NAV3: variants seen among roughly 807,000 people sequenced by gnomAD.
NAV3 encodes pore membrane and/or filament interacting like protein 1.
In NAV3, 87 loss-of-function variants were observed where a neutral mutation model predicts 244.7. That is an observed-to-expected ratio of 0.36 (90% CI 0.30 to 0.42). The LOEUF is 0.42. NAV3 is among the 20% of genes least tolerant of loss of function. NAV3 has a pLI of 1.00. For synonymous variants in NAV3, 1,126 were observed against 1,042.2 expected (o/e 1.08, Z -1.55); for missense variants, 2,663 against 2,893.3 (o/e 0.92, Z 1.83).
intron 1 of NAV3, among the ~76,000 whole-genome samples, chr12:77,846,512 T>G (rs1876661549): frequency 6.6e-6 from 1 of 152,172 alleles, no homozygotes; most frequent in African/African-American, 2.4e-5. Flanking sequence ...TTGGAGATTC[T>G]TCAGTCCCAG....
chr12:78,171,963 A>G (rs1958019143), intron 24 of NAV3, among the ~76,000 whole-genome samples: 2 of 151,760 alleles, frequency 1.3e-5, no homozygotes, highest in South Asian at 4.1e-4. Context: ...ACTATAGTCT[A>G]TAATAAAATA....
chr12:78,180,347 T>A (rs1394132814), intron 29 of NAV3, among the ~76,000 whole-genome samples: 2 of 152,114 alleles, frequency 1.3e-5, no homozygotes, highest in African/African-American at 2.4e-5. Context: ...AGACTTTTGT[T>A]GTTTTTTTAT....
At chr12:77,888,427 C>T (rs558932768) in intron 1 of NAV3, among the ~76,000 whole-genome samples, 108 of 152,160 alleles carry the variant, frequency 7.1e-4, no homozygotes, top group African/African-American at 2.1e-3. Flanking sequence ...CAGTGAGCCG[C>T]GATCATGTCA....
intron 2 of NAV3, among the ~76,000 whole-genome samples, chr12:77,762,915 GT>G (rs1869557200): frequency 2.0e-5 from 3 of 152,188 alleles, no homozygotes; most frequent in Admixed American, 2.0e-4. Context: ...CTGAGAGGTT[GT>G]TCCTGCACAC....
At chr12:77,690,018 CA>C (rs1874932335) in intron 2 of NAV3, among the ~76,000 whole-genome samples, 1 of 151,418 alleles carries the variant, frequency 6.6e-6, no homozygotes, top group Non-Finnish European at 1.5e-5. Context: ...GAATAATTAC[CA>C]ACATTAAGCT....
chr12:77,625,254 T>C (rs1221689226), intron 2 of NAV3, among the ~76,000 whole-genome samples: 1 of 152,184 alleles, frequency 6.6e-6, no homozygotes, highest in Non-Finnish European at 1.5e-5. Context: ...AATAACATGT[T>C]ATATGTTTAT....
intron 2 of NAV3, among the ~76,000 whole-genome samples, chr12:77,661,228 A>G (rs1452744370): frequency 6.6e-6 from 1 of 152,138 alleles, no homozygotes; most frequent in Non-Finnish European, 1.5e-5. Flanking sequence ...CTAATTTTGC[A>G]TACCCTCAAC....
intron 1 of NAV3, among the ~76,000 whole-genome samples, chr12:77,903,280 T>C (rs1885536503): frequency 6.6e-6 from 1 of 152,140 alleles, no homozygotes; most frequent in Non-Finnish European, 1.5e-5. Context: ...AGCATGGTAC[T>C]AGTACAAAAA....
intron 2 of NAV3, among the ~76,000 whole-genome samples, chr12:77,626,666 A>C (rs1029461217): frequency 6.6e-6 from 1 of 151,936 alleles, no homozygotes; most frequent in African/African-American, 2.4e-5. Flanking sequence ...CATAAAGAAG[A>C]AAAAAAACCT....
At chr12:77,998,626 T>C in intron 7 of NAV3, 150 bp downstream of exon 7, 1 of 720,528 alleles carries the variant, frequency 1.4e-6, no homozygotes, top group South Asian at 3.1e-5. Flanking sequence ...CCCTCCTGAC[T>C]GCCAGCTTTC....
rs1566157753 is a variant in NAV3, at chr12:78,118,021, T to G, written c.2770-6T>G. On this transcript the variant is annotated splice_polypyrimidine_tract_variant and splice_region_variant and intron_variant, in intron 13 of 39. Transcript: ENST00000397909. ...TAAAGTTTTTCTGTAATATTTGTCTTTATAGCTGAGGACAGATTCAGAGAA... is the reference window on the plus strand; with the variant it reads ...TAAAGTTTTTCTGTAATATTTGTCTGTATAGCTGAGGACAGATTCAGAGAA... The G allele has an allele frequency of 6.3e-7, 1 of 1,577,274 alleles. No individual in the cohort carries two copies. Among genetic ancestry groups the G allele is most frequent in the African/African-American group, 1.4e-5 (1 of 73,068 alleles).
At chr12:77,722,025 C>T (rs1876658469) in intron 2 of NAV3, among the ~76,000 whole-genome samples, 1 of 152,120 alleles carries the variant, frequency 6.6e-6, no homozygotes, top group Non-Finnish European at 1.5e-5. Context: ...CTGTCATAAA[C>T]TGTGTGCTCC....
intron 8 of NAV3, among the ~76,000 whole-genome samples, chr12:78,020,617 A>C (rs1876992236): frequency 6.6e-6 from 1 of 152,156 alleles, no homozygotes; most frequent in East Asian, 1.9e-4. Flanking sequence ...ATTAAAACCT[A>C]AGTGAACTTT....
intron 23 of NAV3, among the ~76,000 whole-genome samples, chr12:78,160,406 T>TGTGTGTGTGTGTGTGTGTGTGC (rs1555184853): frequency 7.2e-6 from 1 of 138,820 alleles, no homozygotes. Flanking sequence ...TGTGCGTGCG[T>TGTGTGTGTGTGTGTGTGTGTGC]GTGTGTGTGT....
chr12:78,053,223 A>G (rs1883015932), intron 11 of NAV3, among the ~76,000 whole-genome samples: 1 of 150,020 alleles, frequency 6.7e-6, no homozygotes, highest in African/African-American at 2.4e-5. Flanking sequence ...CTAAAAATAT[A>G]TATATATATA....
chr12:78,032,202 A>G (rs1879119641), intron 9 of NAV3, among the ~76,000 whole-genome samples: 1 of 152,208 alleles, frequency 6.6e-6, no homozygotes, highest in African/African-American at 2.4e-5. Context: ...TGACATGTAA[A>G]GATTTGCCAT....
chr12:77,693,565 A>C (rs1875134355), intron 2 of NAV3, among the ~76,000 whole-genome samples: 1 of 152,074 alleles, frequency 6.6e-6, no homozygotes, highest in African/African-American at 2.4e-5. Context: ...TTACTTGCAA[A>C]GGACTCTGAG....
At chr12:78,209,526 G>T (rs1960680136) in intron 39 of NAV3, among the ~76,000 whole-genome samples, 1 of 149,902 alleles carries the variant, frequency 6.7e-6, no homozygotes, top group Non-Finnish European at 1.5e-5. Flanking sequence ...TTCACAATTT[G>T]CCTTTAAACA....
intron 3 of NAV3, among the ~76,000 whole-genome samples, chr12:77,964,627 GAAGA>G (rs1892353005): frequency 6.6e-6 from 1 of 152,090 alleles, no homozygotes; most frequent in Admixed American, 6.6e-5. Context: ...AATGAAATAT[GAAGA>G]AAGGAAAGAA....
Sources: gnomAD v4.1 joint callset for allele counts (sites outside exome capture counted in the v4.1 genomes callset) on GRCh38, gnomAD v4.1.1 for gene constraint, MANE v1.5 for transcripts, NCBI Gene and HGNC (gene_info 2026-07-23, HGNC 2026-07-21) for gene names.